The following ASIC2 variants were observed in gnomAD, a reference collection of about 807,000 sequenced individuals.
ASIC2 encodes the protein acid sensing ion channel subunit 2.
ASIC2 carries 25 observed loss-of-function variants against 57.3 expected under a neutral mutation model. The ratio of observed to expected loss-of-function variants is 0.44; its 90% CI spans 0.32 to 0.61. The LOEUF (loss-of-function observed/expected upper bound fraction) is 0.61, where lower values mean the gene tolerates loss of function less well. Ranked by LOEUF, ASIC2 falls within the 20% of genes least tolerant of loss-of-function variation. The pLI is 0.06. For missense variants in ASIC2, 641 were observed against 738.1 expected, an observed-to-expected ratio of 0.87 and a Z score of 1.52; for synonymous variants, 319 against 307.5, an observed-to-expected ratio of 1.04 and a Z score of -0.39.
chr17:33,170,283 G>A (rs1905460820), intron 1 of ASIC2, among the ~76,000 whole-genome samples: 1 of 152,302 alleles, frequency 6.6e-6, no homozygotes, highest in Admixed American at 6.5e-5. Context: ...ACACTGAGAA[G>A]TTTAGATATA....
intron 1 of ASIC2, among the ~76,000 whole-genome samples, chr17:33,769,082 C>T (rs2951668): frequency 0.31 from 47,803 of 152,196 alleles, 9,496 homozygotes; most frequent in Non-Finnish European, 0.46. Context: ...GCTCGGGACT[C>T]ACTGAGTGTG....
chr17:33,575,101 C>T (rs925628438), intron 1 of ASIC2, among the ~76,000 whole-genome samples: 1 of 152,166 alleles, frequency 6.6e-6, no homozygotes, highest in African/African-American at 2.4e-5. Flanking sequence ...ACGTCAGTCT[C>T]CTCACATGAT....
intron 1 of ASIC2, among the ~76,000 whole-genome samples, chr17:33,747,222 C>CTTTTTTT (rs61564362): frequency 8.6e-6 from 1 of 116,810 alleles, no homozygotes; most frequent in Non-Finnish European, 1.7e-5. Flanking sequence ...ATCCAGCCGT[C>CTTTTTTT]TTTTTTTTTT....
At chr17:33,192,434 CAAAACAAAACAA>C (rs1567779507) in intron 1 of ASIC2, among the ~76,000 whole-genome samples, 3 of 145,562 alleles carry the variant, frequency 2.1e-5, no homozygotes, top group African/African-American at 7.4e-5. Flanking sequence ...CAAAACAAAA[CAAAACAAAACAA>C]AACAAAACAC....
chr17:33,335,595 C>T (rs1405430905), intron 1 of ASIC2, among the ~76,000 whole-genome samples: 1 of 152,030 alleles, frequency 6.6e-6, no homozygotes, highest in East Asian at 1.9e-4. Context: ...AATCCATATG[C>T]GTGGGGACTT....
intron 1 of ASIC2, among the ~76,000 whole-genome samples, chr17:33,732,876 G>T (rs1242188715): frequency 6.6e-6 from 1 of 152,178 alleles, no homozygotes; most frequent in African/African-American, 2.4e-5. Flanking sequence ...GACCTCAAGT[G>T]ATCCGCCCAC....
At chr17:33,121,592 C>T (rs2092302293) in intron 1 of ASIC2, among the ~76,000 whole-genome samples, 1 of 152,148 alleles carries the variant, frequency 6.6e-6, no homozygotes, top group Non-Finnish European at 1.5e-5. Context: ...GGTGCCAGTC[C>T]ATGCTTCTGG....
intron 1 of ASIC2, among the ~76,000 whole-genome samples, chr17:33,690,985 G>T (rs547909876): frequency 6.6e-6 from 1 of 151,896 alleles, no homozygotes; most frequent in Non-Finnish European, 1.5e-5. Context: ...TCCTGACCTC[G>T]TGATCTGCCC....
intron 1 of ASIC2, among the ~76,000 whole-genome samples, chr17:33,785,484 A>G (rs576811205): frequency 4.6e-4 from 70 of 152,320 alleles, no homozygotes; most frequent in African/African-American, 1.7e-3. Flanking sequence ...TTCCCAAGTC[A>G]TGGCTGGAAT....
At chr17:33,141,564 ACTGT>A (rs1211901301) in intron 1 of ASIC2, among the ~76,000 whole-genome samples, 17 of 152,194 alleles carry the variant, frequency 1.1e-4, no homozygotes, top group Non-Finnish European at 2.4e-4. Flanking sequence ...CAGAACTGTG[ACTGT>A]GGGTTTGACC....
rs1257396447 is a variant in ASIC2 at position 33,058,445 on chromosome 17, CTG to C, written c.988-30055_988-30054del. 2.1e-5 allele frequency among the ~76,000 whole-genome samples: 3 copies of C among 139,612 alleles called. No homozygotes were observed. The East Asian group carries it at 6.2e-4, about 29-fold the overall frequency. The allele number at this position is 139,612 out of a possible 152,430, so 91.6% of individuals were successfully genotyped here. On this transcript the variant is annotated intron_variant, in intron 3 of 9. Coordinates refer to ENST00000225823, the MANE Select transcript of ASIC2 (RefSeq NM_183377.2). ...TTAATCTACATGCAATTTTCTACCA[CTG>C]TTTTTTCTCCCTTCTGAGAAGTCAA...
At chr17:34,097,402 C>G in intron 1 of ASIC2, among the ~76,000 whole-genome samples, 1 of 152,144 alleles carries the variant, frequency 6.6e-6, no homozygotes, top group Middle Eastern at 3.2e-3. Flanking sequence ...AGCACATTCT[C>G]TACATGTTGT....
intron 1 of ASIC2, among the ~76,000 whole-genome samples, chr17:33,623,242 T>TTTG (rs1905860107): frequency 2.7e-5 from 2 of 73,814 alleles, no homozygotes; most frequent in South Asian, 3.9e-4. Context: ...TATCGTTTTT[T>TTTG]TTTGTTTGTT....
intron 1 of ASIC2, chr17:34,069,396 CTTCT>C (rs1199135816): frequency 8.1e-5 from 9 of 110,970 alleles, no homozygotes; most frequent in African/African-American, 2.4e-4. Context: ...TCTTTTTTTC[CTTCT>C]TTCTCTTTCT....
intron 1 of ASIC2, among the ~76,000 whole-genome samples, chr17:33,637,358 G>A (rs1906405612): frequency 6.6e-6 from 1 of 151,734 alleles, no homozygotes; most frequent in South Asian, 2.1e-4. Flanking sequence ...GGTTACTCTG[G>A]GCACCTCCAA....
chr17:33,174,348 G>A (rs1004575126), intron 1 of ASIC2, among the ~76,000 whole-genome samples: 1 of 151,642 alleles, frequency 6.6e-6, no homozygotes, highest in Non-Finnish European at 1.5e-5. Context: ...TTGAACCTGG[G>A]TGGTGGAGGT....
chr17:33,902,502 A>G (rs1264584788), intron 1 of ASIC2, among the ~76,000 whole-genome samples: 1 of 152,212 alleles, frequency 6.6e-6, no homozygotes, highest in Non-Finnish European at 1.5e-5. Flanking sequence ...AAGTATGTCC[A>G]CTTCAGCACT....
intron 1 of ASIC2, among the ~76,000 whole-genome samples, chr17:33,426,771 C>G (rs1263317280): frequency 6.6e-6 from 1 of 152,142 alleles, no homozygotes; most frequent in Non-Finnish European, 1.5e-5. Context: ...GATCTCTGTC[C>G]TCATGGAGCT....
intron 1 of ASIC2, among the ~76,000 whole-genome samples, chr17:33,880,879 G>A (rs1322342214): frequency 9.2e-5 from 14 of 152,006 alleles, no homozygotes; most frequent in African/African-American, 2.7e-4. Context: ...CTGGCAAACC[G>A]AATCCAGCAG....
Sources: gnomAD v4.1 joint callset for allele counts (sites outside exome capture counted in the v4.1 genomes callset) on GRCh38, gnomAD v4.1.1 for gene constraint, MANE v1.5 for transcripts, NCBI Gene and HGNC (gene_info 2026-07-23, HGNC 2026-07-21) for gene names.